Variants in DIP2C observed in about 807,000 individuals in gnomAD.
The protein encoded by DIP2C is DIP2 acetate--CoA ligase C (putative).
A neutral mutation model predicts 192.4 loss-of-function variants in DIP2C; 33 were observed. The ratio of observed to expected loss-of-function variants is 0.17; its 90% confidence interval spans 0.13 to 0.23. DIP2C has a LOEUF of 0.23. DIP2C is among the 10% of genes least tolerant of loss of function. The pLI, the probability that DIP2C is intolerant of heterozygous loss-of-function variation, is 1.00. For missense variants in DIP2C, 1,537 were observed against 2,110.1 expected (o/e 0.73, Z 5.32); for synonymous variants, 979 against 864.1 (o/e 1.13, Z -2.33).
intron 1 of DIP2C, among the ~76,000 whole-genome samples, chr10:653,740 C>T (rs1856102597): frequency 6.6e-6 from 1 of 152,238 alleles, no homozygotes; most frequent in African/African-American, 2.4e-5. Context: ...ACCAATTGTG[C>T]TGTGGCCCTA....
At chr10:536,720 GCT>G (rs914501167) in intron 1 of DIP2C, among the ~76,000 whole-genome samples, 8 of 152,332 alleles carry the variant, frequency 5.3e-5, no homozygotes, top group African/African-American at 1.9e-4. Flanking sequence ...GACAGTGAGT[GCT>G]GTTTTTGGAA....
chr10:379,878 A>G (rs1471279850), intron 17 of DIP2C, among the ~76,000 whole-genome samples: 3 of 152,180 alleles, frequency 2.0e-5, no homozygotes, highest in African/African-American at 7.2e-5. Context: ...TCCCTGGAAG[A>G]TGGTTAACGT....
chr10:654,017 C>A (rs1467081056), intron 1 of DIP2C, among the ~76,000 whole-genome samples: 3 of 152,166 alleles, frequency 2.0e-5, no homozygotes, highest in Non-Finnish European at 2.9e-5. Context: ...CCAAATTACC[C>A]AGTCCTGACC....
chr10:607,940 G>A (rs1852616497), intron 1 of DIP2C, among the ~76,000 whole-genome samples: 1 of 151,486 alleles, frequency 6.6e-6, no homozygotes, highest in Non-Finnish European at 1.5e-5. Context: ...CCCTCAGTGT[G>A]GGTCCCAGAG....
intron 1 of DIP2C, among the ~76,000 whole-genome samples, chr10:679,333 G>A (rs1391195866): frequency 3.1e-4 from 1 of 3,206 alleles, no homozygotes; most frequent in African/African-American, 4.1e-4. Flanking sequence ...TCCTCCCTGC[G>A]CCCATGCTCC....
Position 583,191 on chromosome 10 carries a change from T to C in DIP2C, c.86-96661A>G, listed in dbSNP as rs1850774848. 3.3e-5 allele frequency among the ~76,000 whole-genome samples: 5 copies of C among 152,216 alleles called. 1 individual carries two copies. The South Asian group carries it at 8.3e-4, about 25-fold the overall frequency. On this transcript the variant is annotated intron_variant, in intron 1 of 36. Transcript: ENST00000280886. ...TACACTCATAGGAAAAAGAACGTTG[T>C]ACTCCAAGTGCATCTGCAAACGCAG...
chr10:684,113 T>C (rs902628655), intron 1 of DIP2C, among the ~76,000 whole-genome samples: 2 of 152,260 alleles, frequency 1.3e-5, no homozygotes, highest in Admixed American at 6.5e-5. Flanking sequence ...ATAGCATTTA[T>C]TCGCCAAGAA....
intron 30 of DIP2C, among the ~76,000 whole-genome samples, chr10:328,125 G>A (rs1957355497): frequency 6.6e-6 from 1 of 152,166 alleles, no homozygotes; most frequent in Admixed American, 6.5e-5. Context: ...AACCGACAAG[G>A]GTCCTGAGCA....
intron 29 of DIP2C, among the ~76,000 whole-genome samples, chr10:335,995 C>T (rs1957750830): frequency 6.6e-6 from 1 of 152,132 alleles, no homozygotes; most frequent in Admixed American, 6.5e-5. Context: ...ACCACCCAGG[C>T]TCAAGTGATC....
chr10:297,245 C>T (rs865940351), intron 32 of DIP2C, among the ~76,000 whole-genome samples: 7 of 107,488 alleles, frequency 6.5e-5, no homozygotes, highest in African/African-American at 4.0e-4. Flanking sequence ...ACCACATACA[C>T]ACACACACAC....
chr10:593,992 G>A (rs1588547847), intron 1 of DIP2C, among the ~76,000 whole-genome samples: 1 of 152,210 alleles, frequency 6.6e-6, no homozygotes, highest in Admixed American at 6.5e-5. Context: ...CGGCGGAACT[G>A]GCCGTGGAAC....
intron 3 of DIP2C, among the ~76,000 whole-genome samples, chr10:471,613 C>G (rs1970640259): frequency 6.6e-6 from 1 of 152,192 alleles, no homozygotes; most frequent in South Asian, 2.1e-4. Context: ...GGTCCATCAC[C>G]AGCGATCGCC....
At position 417,833 on chromosome 10, in the gene DIP2C, TCCCTG is replaced by T. The variant is rs1238962925; in HGVS notation, c.739+1227_739+1231del. ...GTTCCTGTCAGGGCGCGGACAGGCC[TCCCTG>T]TCCACCTGCACCTGTCAGAGCTCGG... On this transcript the variant is annotated intron_variant, in intron 6 of 36. Coordinates refer to ENST00000280886, the MANE Select transcript of DIP2C (RefSeq NM_014974.3). Among the ~76,000 whole-genome samples the T allele has an allele frequency of 8.6e-4, 80 of 92,916 alleles. 7 individuals are homozygous for T. The highest frequency in any genetic ancestry group is 2.4e-3 in the African/African-American group (42 of 17,808). The allele number at this position is 92,916 out of a possible 152,430, so 61.0% of individuals were successfully genotyped here.
intron 1 of DIP2C, among the ~76,000 whole-genome samples, chr10:673,555 G>A (rs1222758645): frequency 2.0e-5 from 3 of 152,170 alleles, no homozygotes; most frequent in Non-Finnish European, 2.9e-5. Flanking sequence ...CTCAGTCGCC[G>A]TGTGCTGCTT....
chr10:592,068 T>C (rs816616), intron 1 of DIP2C, among the ~76,000 whole-genome samples: 4,123 of 152,298 alleles, frequency 0.027, 183 homozygotes, highest in African/African-American at 0.094. Context: ...TAGCCATGTG[T>C]TCTGGGGTAT....
At chr10:494,612 A>G (rs1844682524) in intron 1 of DIP2C, among the ~76,000 whole-genome samples, 1 of 152,016 alleles carries the variant, frequency 6.6e-6, no homozygotes, top group Non-Finnish European at 1.5e-5. Flanking sequence ...GAGAGGTGTA[A>G]TGAGGAGGCT....
At position 681,340 on chromosome 10, in the gene DIP2C, A is replaced by G. The variant is rs566410236; in HGVS notation, c.85+8154T>C. On this transcript the variant is annotated intron_variant, in intron 1 of 36. Coordinates refer to ENST00000280886, the MANE Select transcript of DIP2C (RefSeq NM_014974.3). ...TGGTATGGCCACCGCCTGTGGCCAC[A>G]GAAATTCCAGGGAATGCAGACCCTC... Among the ~76,000 whole-genome samples, 325 of 148,718 alleles carry G rather than the reference A, an allele frequency of 2.2e-3. 1 individual carries two copies. The highest frequency in any genetic ancestry group is 7.5e-3 in the Middle Eastern group (2 of 266).
intron 3 of DIP2C, among the ~76,000 whole-genome samples, chr10:466,239 C>T (rs545490037): frequency 0.013 from 1,904 of 151,252 alleles, 46 homozygotes; most frequent in African/African-American, 0.044. Flanking sequence ...ATGCCACATA[C>T]CTACAACTAT....
intron 1 of DIP2C, among the ~76,000 whole-genome samples, chr10:600,832 A>G (rs375138911): frequency 6.6e-6 from 1 of 152,264 alleles, no homozygotes; most frequent in African/African-American, 2.4e-5. Flanking sequence ...CGTCTCAACC[A>G]TAAGAGAATC....
Sources: allele counts gnomAD v4.1 joint callset (sites outside exome capture counted in the v4.1 genomes callset), GRCh38; gene constraint gnomAD v4.1.1; transcripts MANE v1.5; gene names NCBI Gene and HGNC (gene_info 2026-07-23, HGNC 2026-07-21).